Variants in ORM2 observed in about 807,000 individuals in gnomAD.
ORM2 encodes alpha-1-acid glycoprotein 2.
A neutral mutation model predicts 26.8 loss-of-function variants in ORM2; 19 were observed. The ratio of observed to expected loss-of-function variants is 0.71; its 90% CI spans 0.49 to 1.04. The LOEUF is 1.04. Ranked by LOEUF, ORM2 falls within the 50% of genes least tolerant of loss-of-function variation. The probability of loss-of-function intolerance (pLI) is 0.00; values close to 1 mark genes in which losing one functional copy is unlikely to be tolerated. For synonymous variants in ORM2, 94 were observed against 100.0 expected (o/e 0.94, Z 0.36); for missense variants, 259 against 244.9 (o/e 1.06, Z -0.39).
intron 5 of ORM2, among the ~76,000 whole-genome samples, chr9:114,332,298 C>G (rs1048014783): frequency 6.6e-6 from 1 of 152,130 alleles, no homozygotes. Context: ...TTTTAATACC[C>G]GTGCAGTGGG....
rs1008860480 is a variant in ORM2, at chr9:114,330,775, C to G, written c.258-17C>G. The G allele has an allele frequency of 3.1e-6, 5 of 1,613,010 alleles. No individual in the cohort carries two copies. The highest frequency in any genetic ancestry group is 4.2e-6 in the Non-Finnish European group (5 of 1,179,322). ...GATAACATTACTGTTTTTCTTCCGC[C>G]TTCTGGTTGACTTTAGCCAGAACCA... On this transcript the variant is annotated splice_polypyrimidine_tract_variant and intron_variant, in intron 2 of 5. Coordinates refer to ENST00000431067, the MANE Select transcript of ORM2 (RefSeq NM_000608.4).
In ORM2 at chr9:114,331,817, C is replaced by T; in HGVS notation, c.437-9C>T. 2.5e-6 allele frequency: 4 copies of T among 1,612,756 alleles called. No individual in the cohort carries two copies. Among genetic ancestry groups the T allele is most frequent in the Non-Finnish European group, 3.4e-6 (4 of 1,179,220 alleles). On this transcript the variant is annotated splice_polypyrimidine_tract_variant and intron_variant, in intron 4 of 5. Transcript: ENST00000431067. ...ATGTCCCCAGTCAGTCTCCTTGCTC[C>T]CCCTGCAGCTGACAAGCCAGAGACG...
chr9:114,332,270 C>T (rs1829866582), intron 5 of ORM2, among the ~76,000 whole-genome samples: 1 of 152,076 alleles, frequency 6.6e-6, no homozygotes, highest in Non-Finnish European at 1.5e-5. Context: ...TTTCACCCCA[C>T]CTCCACTCCC....
intron 5 of ORM2, 83 bp from the exon 6 acceptor site, chr9:114,332,986 A>C: frequency 6.3e-7 from 1 of 1,587,672 alleles, no homozygotes; most frequent in Non-Finnish European, 8.6e-7. Flanking sequence ...GCCAGAGCTC[A>C]TTCTGCCCTC....
chr9:114,330,715 C>G, intron 2 of ORM2, 77 bp from the exon 3 acceptor site: 1 of 1,598,950 alleles, frequency 6.3e-7, no homozygotes, highest in Non-Finnish European at 8.6e-7. Flanking sequence ...GACTCTTGCC[C>G]CGGGACTGTG....
rs1829858035 is a variant in ORM2 at position 114,331,826 on chromosome 9, C to T, written c.437C>T (p.Ala146Val). 1 of 1,613,508 alleles carries T rather than the reference C, an allele frequency of 6.2e-7. No homozygotes were observed. Among genetic ancestry groups the T allele is most frequent in the Non-Finnish European group, 8.5e-7 (1 of 1,179,690 alleles). ...DEKNWGLSFY[A>V]DKPETTKEQL... Reference sequence around the variant, plus strand: ...GTCAGTCTCCTTGCTCCCCCTGCAGCTGACAAGCCAGAGACGACCAAGGAG... The same window carrying T: ...GTCAGTCTCCTTGCTCCCCCTGCAGTTGACAAGCCAGAGACGACCAAGGAG... The change falls in exon 5 of 6, where the codon GCT (alanine) becomes GTT (valine). Residue 146 changes from alanine (A) to valine (V), a missense_variant and splice_region_variant. Ala to Val is a moderately conservative substitution (Grantham distance 64). Coordinates refer to ENST00000431067, the MANE Select transcript of ORM2 (RefSeq NM_000608.4).
Position 114,330,830 on chromosome 9 carries a change from T to C in ORM2, c.296T>C (p.Val99Ala), listed in dbSNP as rs2636889. ...TTCTATAACTCCAGTTACCTGAATG[T>C]CCAGCGGGAGAATGGGACCGTCTCC... ...QCFYNSSYLNVQRENGTVSRY... is the reference protein window; with the variant it reads ...QCFYNSSYLNAQRENGTVSRY... Residue 99 changes from valine (V) to alanine (A), a missense_variant, in exon 3 of 6, where the codon GTC becomes GCC. Physicochemically the swap from Val to Ala is moderately conservative, Grantham distance 64. Transcript: ENST00000431067. 0.015 allele frequency: 24,473 copies of C among 1,613,810 alleles called. 3,510 individuals carry two copies. In the African/African-American group the frequency reaches 0.29, roughly 19 times the overall value.
chr9:114,332,170 A>G (rs541985573), intron 5 of ORM2, among the ~76,000 whole-genome samples: 2 of 151,994 alleles, frequency 1.3e-5, no homozygotes, highest in Admixed American at 1.3e-4. Flanking sequence ...ACAGGAGGGA[A>G]CAGCGTGAGC....
chr9:114,331,983 G>A lies in ORM2; in HGVS notation c.540+54G>A. On this transcript the variant is annotated intron_variant, in intron 5 of 5. Coordinates refer to ENST00000431067, the MANE Select transcript of ORM2 (RefSeq NM_000608.4). ...CCTTGTCCATGGCCCAACTTGGGCA[G>A]CCCCAGAGGCCCAGAGCAGGAAAGC... The A allele has an allele frequency of 8.2e-6, 12 of 1,470,828 alleles. No homozygotes were observed. In the South Asian group the frequency reaches 1.4e-4, roughly 17 times the overall value. 91.1% of individuals were successfully genotyped at this position (1,470,828 alleles called of 1,614,324 possible). A position where few individuals can be genotyped will look rare whatever the true frequency, so the allele number is the denominator to read the frequency against.
At chr9:114,331,503 C>A in intron 3 of ORM2, 64 bp from the exon 4 acceptor site, 1 of 1,364,218 alleles carries the variant, frequency 7.3e-7, no homozygotes, top group Non-Finnish European at 1.0e-6. Flanking sequence ...GGACTCCTCA[C>A]CTGTAAGACA....
At chr9:114,330,742 T>C (rs1268011001) in intron 2 of ORM2, 50 bp from the exon 3 acceptor site, 2 of 1,605,084 alleles carry the variant, frequency 1.2e-6, no homozygotes, top group African/African-American at 2.7e-5. Context: ...GATTGGCCAC[T>C]TCTCCTCGAT....
intron 5 of ORM2, among the ~76,000 whole-genome samples, chr9:114,332,276 C>T (rs1829867020): frequency 6.6e-6 from 1 of 152,112 alleles, no homozygotes; most frequent in Admixed American, 6.5e-5. Context: ...CCCACCTCCA[C>T]TCCCCGCTCA....
chr9:114,329,917 TG>T lies in ORM2; in HGVS notation c.16del (p.Val6PhefsTer5). On this transcript the variant is annotated frameshift_variant, in exon 1 of 6. Transcript: ENST00000431067. LOFTEE classifies it high-confidence loss of function. Reference protein sequence around the residue: MALSWVLTVLSLLPL... With the variant: MALSXVLTVLSLLPL... ...TCCTGGTCTCAGTATGGCGCTGTCC[TG>T]GGTTCTTACAGTCCTGAGCCTCCTA... 1 of 1,432,276 alleles carries T rather than the reference TG, an allele frequency of 7.0e-7. No homozygotes were observed. Among genetic ancestry groups the T allele is most frequent in the Non-Finnish European group, 9.3e-7 (1 of 1,080,218 alleles). 88.7% of individuals were successfully genotyped at this position (1,432,276 alleles called of 1,614,324 possible).
intron 5 of ORM2, among the ~76,000 whole-genome samples, chr9:114,332,617 C>T (rs1189636299): frequency 1.3e-5 from 2 of 152,000 alleles, no homozygotes; most frequent in Non-Finnish European, 2.9e-5. Flanking sequence ...CTGCCCCATC[C>T]CCAGCCCCAG....
chr9:114,331,452 C>G, intron 3 of ORM2, 115 bp from the exon 4 acceptor site: 1 of 802,028 alleles, frequency 1.2e-6, no homozygotes, highest in Non-Finnish European at 2.0e-6. Flanking sequence ...AAAGGAGACC[C>G]GGGCCTTCAC....
At chr9:114,331,537 T>G (rs1257079396) in intron 3 of ORM2, 30 bp from the exon 4 acceptor site, 1 of 1,571,580 alleles carries the variant, frequency 6.4e-7, no homozygotes, top group African/African-American at 1.4e-5. Flanking sequence ...CATCCCATGT[T>G]CTCACCCAGA....
At chr9:114,331,494 G>GA in intron 3 of ORM2, 73 bp from the exon 4 acceptor site, 1 of 1,242,572 alleles carries the variant, frequency 8.0e-7, no homozygotes, top group Non-Finnish European at 1.2e-6. Context: ...ACACACCTAG[G>GA]ACTCCTCACC....
chr9:114,330,109 C>T (rs768339443), intron 1 of ORM2, 91 bp downstream of exon 1: 107 of 1,608,834 alleles, frequency 6.7e-5, no homozygotes, highest in Non-Finnish European at 8.1e-5. Context: ...GGTCGCACCC[C>T]CACTCCCAGC....
In ORM2 at chr9:114,331,646, T is replaced by C. The variant is rs140586077; in HGVS notation, c.408T>C (p.Asp136=). The C allele has an allele frequency of 6.2e-7, 1 of 1,613,914 alleles. No individual in the cohort carries two copies. Among genetic ancestry groups the C allele is most frequent in the African/African-American group, 1.3e-5 (1 of 74,882 alleles). ...TGATGTTTGGTTCCTACCTGGACGA[T>C]GAGAAGAACTGGGGGCTGTCTTTCT... ...KTLMFGSYLD[D]EKNWGLSFYA... is the part of the protein sequence containing the mutation. Residue 136 remains aspartate, a synonymous_variant, in exon 4 of 6, where the codon GAT becomes GAC. Coordinates refer to ENST00000431067, the MANE Select transcript of ORM2 (RefSeq NM_000608.4).
Sources: gnomAD v4.1 joint callset for allele counts (sites outside exome capture counted in the v4.1 genomes callset) on GRCh38, gnomAD v4.1.1 for gene constraint, MANE v1.5 for transcripts, NCBI Gene and HGNC (gene_info 2026-07-23, HGNC 2026-07-21) for gene names.